VCAM1: variants seen among roughly 807,000 people sequenced by gnomAD.
VCAM1 encodes the protein vascular cell adhesion molecule 1.
A neutral mutation model predicts 63.8 loss-of-function variants in VCAM1; 41 were observed. The observed-to-expected ratio is 0.64, with a 90% CI of 0.50 to 0.83. VCAM1 has a LOEUF of 0.83. VCAM1 is among the 40% of genes least tolerant of loss of function. The pLI is 0.00. For synonymous variants in VCAM1, 338 were observed against 320.7 expected (o/e 1.05, Z -0.58); for missense variants, 798 against 875.5 (o/e 0.91, Z 1.12).
At chr1:100,727,671 A>G (rs1273664863) in intron 4 of VCAM1, among the ~76,000 whole-genome samples, 1 of 152,104 alleles carries the variant, frequency 6.6e-6, no homozygotes, top group African/African-American at 2.4e-5. Context: ...TCACATGGCA[A>G]TACATGTGGC....
At chr1:100,726,487 C>T (rs1022222198) in intron 4 of VCAM1, among the ~76,000 whole-genome samples, 16 of 152,052 alleles carry the variant, frequency 1.1e-4, no homozygotes, top group African/African-American at 2.7e-4. Context: ...CCTCTGCTTA[C>T]GCTGTTCCTT....
chr1:100,735,259 G>A (rs1001563482), intron 8 of VCAM1: 4 of 153,882 alleles, frequency 2.6e-5, no homozygotes, highest in African/African-American at 7.2e-5. Flanking sequence ...AAAATCTCTC[G>A]ACTATCGAAA....
intron 7 of VCAM1, among the ~76,000 whole-genome samples, chr1:100,733,018 G>C (rs1446361524): frequency 6.6e-6 from 1 of 152,182 alleles, no homozygotes; most frequent in Admixed American, 6.5e-5. Context: ...GATTATGTAG[G>C]ATTAAAGCTA....
intron 5 of VCAM1, among the ~76,000 whole-genome samples, chr1:100,730,439 A>G (rs914150181): frequency 6.6e-6 from 1 of 152,150 alleles, no homozygotes; most frequent in Non-Finnish European, 1.5e-5. Flanking sequence ...CTTGCCCTTG[A>G]TAGCTATCTT....
rs1282015800 is a variant in VCAM1 at position 100,723,278 on chromosome 1, A to G, written c.599A>G (p.His200Arg). 4 of 1,613,124 alleles carry G rather than the reference A, an allele frequency of 2.5e-6. No homozygotes were observed. The highest frequency in any genetic ancestry group is 3.4e-6 in the Non-Finnish European group (4 of 1,179,352). Reference sequence around the variant, plus strand: ...GTTCTTGTTTGCCGAGCTAAATTACACATTGATGAAATGGATTCTGTGCCC... The same window carrying G: ...GTTCTTGTTTGCCGAGCTAAATTACGCATTGATGAAATGGATTCTGTGCCC... The part of the protein sequence containing the change: ...GKVLVCRAKL[H>R]IDEMDSVPTV... Residue 200 changes from histidine to arginine, a missense_variant, in exon 3 of 9, where the codon CAC becomes CGC. By Grantham distance (29) the His-to-Arg change is conservative. Coordinates refer to ENST00000294728, the MANE Select transcript of VCAM1 (RefSeq NM_001078.4).
chr1:100,725,472 A>T (rs1197788546), intron 4 of VCAM1, among the ~76,000 whole-genome samples: 2 of 152,052 alleles, frequency 1.3e-5, no homozygotes, highest in Non-Finnish European at 2.9e-5. Context: ...ATAACTAAAA[A>T]GTAAGTATTT....
chr1:100,724,737 A>G lies in VCAM1; in HGVS notation c.775A>G (p.Ser259Gly). Residue 259 changes from serine (S) to glycine (G), a missense_variant, in exon 4 of 9, where the codon AGT becomes GGT. Transcript: ENST00000294728. ...TCTACCAGCTCCAGAGATTTTCTGG[A>G]GTAAGAAATTAGATAATGGGAATCT... The part of the protein sequence containing the change: ...EGLPAPEIFW[S>G]KKLDNGNLQH... The G allele has an allele frequency of 1.2e-6, 2 of 1,613,066 alleles. No homozygotes were observed.
Position 100,734,487 on chromosome 1 carries a change from A to C in VCAM1, c.1793-15A>C. 1 of 1,599,526 alleles carries C rather than the reference A, an allele frequency of 6.3e-7. No individual in the cohort carries two copies. The highest frequency in any genetic ancestry group is 8.5e-7 in the Non-Finnish European group (1 of 1,174,446). ...TTTCACTCAATCAGGGATGTCTTTT[A>C]AATTCTCTTTACAGTTACTCCAAAA... On this transcript the variant is annotated splice_polypyrimidine_tract_variant and intron_variant, in intron 7 of 8. Transcript: ENST00000294728.
Position 100,731,437 on chromosome 1 carries a change from G to T in VCAM1, c.1444G>T (p.Val482Phe), listed in dbSNP as rs560169201. 6.2e-7 allele frequency: 1 copy of T among 1,613,646 alleles called. No homozygotes were observed. Among genetic ancestry groups the T allele is most frequent in the Admixed American group, 1.7e-5 (1 of 59,928 alleles). ...PTIEDTGKALVCQAKLHIDDM... is the reference protein window; with the variant it reads ...PTIEDTGKALFCQAKLHIDDM... Reference sequence around the variant, plus strand: ...CATTGAAGATACTGGAAAAGCTCTTGTTTGTCAGGCTAAGTTACATATTGA... The same window carrying T: ...CATTGAAGATACTGGAAAAGCTCTTTTTTGTCAGGCTAAGTTACATATTGA... Residue 482 changes from valine (V) to phenylalanine (F), a missense_variant, in exon 6 of 9, where the codon GTT (valine) becomes TTT (phenylalanine). Transcript: ENST00000294728. This position sits in a 1 kb window ranked among gnomAD's most constrained non-coding sequence, Gnocchi z 4.2.
rs1431996231 is a variant in VCAM1 at position 100,724,760 on chromosome 1, T to G, written c.798T>G (p.Asn266Lys). 3 of 1,613,078 alleles carry G rather than the reference T, an allele frequency of 1.9e-6. No homozygotes were observed. Among genetic ancestry groups the G allele is most frequent in the Non-Finnish European group, 2.5e-6 (3 of 1,179,472 alleles). ...GGAGTAAGAAATTAGATAATGGGAA[T>G]CTACAGCACCTTTCTGGAAATGCAA... Reference protein sequence around the residue: ...IFWSKKLDNGNLQHLSGNATL... With the variant: ...IFWSKKLDNGKLQHLSGNATL... Residue 266 changes from asparagine (N) to lysine (K), a missense_variant, in exon 4 of 9, where the codon AAT (asparagine) becomes AAG (lysine). Coordinates refer to ENST00000294728, the MANE Select transcript of VCAM1 (RefSeq NM_001078.4).
Position 100,738,956 on chromosome 1 carries a change from A to G in VCAM1, c.*673A>G, listed in dbSNP as rs1479272008. On this transcript the variant is annotated 3_prime_UTR_variant, in exon 9 of 9. Coordinates refer to ENST00000294728, the MANE Select transcript of VCAM1 (RefSeq NM_001078.4). ...ATCAGACTCCTGTGCAACTTTCCCAATGTGGCCTAAAAATGCAACTTCTTT... is the reference window on the plus strand; with the variant it reads ...ATCAGACTCCTGTGCAACTTTCCCAGTGTGGCCTAAAAATGCAACTTCTTT... 4 of 152,202 alleles carry G rather than the reference A, an allele frequency of 2.6e-5. No individual in the cohort carries two copies. Among genetic ancestry groups the G allele is most frequent in the African/African-American group, 4.8e-5 (2 of 41,456 alleles). The allele number at this position is 152,202 out of a possible 1,614,324, so 9.4% of individuals were successfully genotyped here. A position where few individuals can be genotyped will look rare whatever the true frequency, so the allele number is the denominator to read the frequency against.
chr1:100,731,034 C>T lies in VCAM1; in HGVS notation c.1205-164C>T, dbSNP rs143498822. On this transcript the variant is annotated intron_variant, in intron 5 of 8. Coordinates refer to ENST00000294728, the MANE Select transcript of VCAM1 (RefSeq NM_001078.4). This position sits in a 1 kb window ranked among gnomAD's most constrained non-coding sequence, Gnocchi z 4.2. ...TTCTAACATTATTCATATATAATATCATAAATATGTCATTTATAAATACTG... is the reference window on the plus strand; with the variant it reads ...TTCTAACATTATTCATATATAATATTATAAATATGTCATTTATAAATACTG... Among the ~76,000 whole-genome samples, 1 of 152,152 alleles carries T rather than the reference C, an allele frequency of 6.6e-6. No homozygotes were observed. Among genetic ancestry groups the T allele is most frequent in the East Asian group, 1.9e-4 (1 of 5,176 alleles).
chr1:100,720,795 T>C (rs777823329), intron 2 of VCAM1, 44 bp downstream of exon 2: 1 of 1,546,330 alleles, frequency 6.5e-7, no homozygotes. Flanking sequence ...AATTTTACTT[T>C]AAAATCACTT....
In VCAM1 at chr1:100,723,489, T is replaced by C. The variant is rs1013407646; in HGVS notation, c.661+149T>C. ...TCATTCACAACATAATGTTTGTCAA[T>C]AGTATAATTCAGTGAAAAGAACACT... On this transcript the variant is annotated intron_variant, in intron 3 of 8. Transcript: ENST00000294728. 4 of 885,990 alleles carry C rather than the reference T, an allele frequency of 4.5e-6. No homozygotes were observed. In the African/African-American group the frequency reaches 6.8e-5, roughly 15 times the overall value. 54.9% of individuals were successfully genotyped at this position (885,990 alleles called of 1,614,324 possible). A position where few individuals can be genotyped will look rare whatever the true frequency, so the allele number is the denominator to read the frequency against.
Position 100,719,873 on chromosome 1 carries a change from A to G in VCAM1, c.13A>G (p.Met5Val). 1 of 1,611,624 alleles carries G rather than the reference A, an allele frequency of 6.2e-7. No individual in the cohort carries two copies. The highest frequency in any genetic ancestry group is 8.5e-7 in the Non-Finnish European group (1 of 1,178,340). The change falls in exon 1 of 9, where the codon ATG becomes GTG. Residue 5 changes from methionine to valine, a missense_variant. Met to Val is a conservative substitution (Grantham distance 21). Transcript: ENST00000294728. ...ACAGCAACTTAAAATGCCTGGGAAG[A>G]TGGTCGTGATCCTTGGAGCCTCAAA... MPGK[M>V]VVILGASNIL... is the part of the protein sequence containing the mutation.
At chr1:100,730,703 T>C (rs1399973243) in intron 5 of VCAM1, among the ~76,000 whole-genome samples, 1 of 152,104 alleles carries the variant, frequency 6.6e-6, no homozygotes, top group Non-Finnish European at 1.5e-5. Flanking sequence ...AGGTATAATG[T>C]GTGAAGAAAG....
chr1:100,723,882 G>A (rs1013606958), intron 3 of VCAM1, among the ~76,000 whole-genome samples: 8 of 151,984 alleles, frequency 5.3e-5, no homozygotes, highest in African/African-American at 1.9e-4. Context: ...GAGTCTTGTA[G>A]TCCCAGCGTT....
intron 2 of VCAM1, among the ~76,000 whole-genome samples, chr1:100,722,101 G>T (rs1659975559): frequency 6.6e-6 from 1 of 152,044 alleles, no homozygotes; most frequent in Admixed American, 6.6e-5. Flanking sequence ...TGTAATAGTG[G>T]TTAGAGTTGA....
Position 100,731,397 on chromosome 1 carries a change from G to C in VCAM1, c.1404G>C (p.Met468Ile). ...MKSLENKSLE[M>I]TFIPTIEDTG... ...CTCTAGAGAACAAAAGTTTGGAAAT[G>C]ACCTTCATCCCTACCATTGAAGATA... Residue 468 changes from methionine to isoleucine, a missense_variant, in exon 6 of 9, where the codon ATG becomes ATC. Physicochemically the swap from Met to Ile is conservative, Grantham distance 10. Coordinates refer to ENST00000294728, the MANE Select transcript of VCAM1 (RefSeq NM_001078.4). This position sits in a 1 kb window ranked among gnomAD's most constrained non-coding sequence, Gnocchi z 4.2. The C allele has an allele frequency of 6.2e-7, 1 of 1,613,756 alleles. No homozygotes were observed. The highest frequency in any genetic ancestry group is 8.5e-7 in the Non-Finnish European group (1 of 1,179,838).
Sources: allele counts gnomAD v4.1 joint callset (sites outside exome capture counted in the v4.1 genomes callset), GRCh38; gene constraint gnomAD v4.1.1; non-coding constraint Gnocchi (gnomAD v3.1); transcripts MANE v1.5; gene names NCBI Gene and HGNC (gene_info 2026-07-23, HGNC 2026-07-21).